TENT4B: variants seen among roughly 807,000 people sequenced by gnomAD.
The protein encoded by TENT4B is PAP associated domain containing 5.
TENT4B carries 10 observed loss-of-function variants against 75.0 expected under a neutral mutation model. The observed-to-expected ratio is 0.13, with a 90% CI of 0.08 to 0.23. TENT4B has a LOEUF of 0.23. Among genes scored for constraint, TENT4B ranks in the 10% least tolerant of loss-of-function variants. The pLI, the probability that TENT4B is intolerant of heterozygous loss-of-function variation, is 1.00. For synonymous variants in TENT4B, 350 were observed against 357.7 expected, an observed-to-expected ratio of 0.98 and a Z score of 0.24; for missense variants, 579 against 893.8, an observed-to-expected ratio of 0.65 and a Z score of 4.49.
Position 50,231,989 on chromosome 16 carries a change from T to C in TENT4B, c.*2661T>C. On this transcript the variant is annotated 3_prime_UTR_variant, in exon 12 of 12. Coordinates refer to ENST00000561678, the MANE Select transcript of TENT4B (RefSeq NM_001365324.3). ...TCCATGAATCATAACCTTCCTTTGCTAATACTTGTTGAATGGGATTTTACA... is the reference window on the plus strand; with the variant it reads ...TCCATGAATCATAACCTTCCTTTGCCAATACTTGTTGAATGGGATTTTACA... The C allele has an allele frequency of 1.0e-6, 1 of 984,806 alleles. No homozygotes were observed. The highest frequency in any genetic ancestry group is 1.2e-6 in the Non-Finnish European group (1 of 829,354). The allele number at this position is 984,806 out of a possible 1,614,324, so 61.0% of individuals were successfully genotyped here.
In TENT4B at chr16:50,230,430, T is replaced by C. The variant is rs559723848; in HGVS notation, c.*1102T>C. On this transcript the variant is annotated 3_prime_UTR_variant, in exon 12 of 12. Transcript: ENST00000561678. The stretch of plus-strand genomic sequence containing the variant: ...GCGTGTGCCTGTTTCTCATCTCTTA[T>C]TCTTTTTAAAATTCATGCTTAACTA... The C allele has an allele frequency of 1.3e-5, 13 of 985,724 alleles. No homozygotes were observed. The highest frequency in any genetic ancestry group is 4.7e-5 in the South Asian group (1 of 21,284). The allele number at this position is 985,724 out of a possible 1,614,324, so 61.1% of individuals were successfully genotyped here. A position where few individuals can be genotyped will look rare whatever the true frequency, so the allele number is the denominator to read the frequency against.
intron 1 of TENT4B, among the ~76,000 whole-genome samples, chr16:50,183,729 T>A (rs2038470053): frequency 6.6e-6 from 1 of 152,050 alleles, no homozygotes; most frequent in Non-Finnish European, 1.5e-5. Context: ...TGTCTTCCAG[T>A]GGAGAAGCAT....
chr16:50,215,955 T>C, intron 3 of TENT4B, 120 bp from the exon 4 acceptor site: 1 of 1,230,644 alleles, frequency 8.1e-7, no homozygotes, highest in Non-Finnish European at 1.1e-6. Flanking sequence ...ACATTTAGTC[T>C]TCGTTGGCCA....
chr16:50,175,105 T>A (rs1015050932), intron 1 of TENT4B, among the ~76,000 whole-genome samples: 1 of 152,096 alleles, frequency 6.6e-6, no homozygotes, highest in Non-Finnish European at 1.5e-5. Flanking sequence ...GAGATCAACT[T>A]TTTTTTAGCT....
chr16:50,210,563 G>C (rs1310957998), intron 1 of TENT4B, among the ~76,000 whole-genome samples: 1 of 152,220 alleles, frequency 6.6e-6, no homozygotes, highest in Admixed American at 6.5e-5. Context: ...TCTCTTTGCT[G>C]GTCCATTGTT....
chr16:50,222,006 C>A (rs950328167), intron 5 of TENT4B, among the ~76,000 whole-genome samples: 1 of 152,144 alleles, frequency 6.6e-6, no homozygotes, highest in Non-Finnish European at 1.5e-5. Flanking sequence ...CTCAGGTGAT[C>A]TGCCCGCCTT....
chr16:50,215,969 T>G (rs2031531205), intron 3 of TENT4B, 106 bp from the exon 4 acceptor site: 4 of 1,376,426 alleles, frequency 2.9e-6, no homozygotes, highest in Non-Finnish European at 4.0e-6. Flanking sequence ...TTGGCCAGGG[T>G]GGGAAATAGG....
chr16:50,153,302 C>T (rs1188779078), upstream of TENT4B, among the ~76,000 whole-genome samples: 9 of 143,248 alleles, frequency 6.3e-5, no homozygotes, highest in African/African-American at 2.3e-4. Context: ...CGCCGCCGCT[C>T]GCTCTTCTGT....
At chr16:50,228,065 A>T in intron 11 of TENT4B, 62 bp downstream of exon 11, 5 of 1,542,516 alleles carry the variant, frequency 3.2e-6, no homozygotes, top group Non-Finnish European at 4.4e-6. Context: ...AATTTCCCAC[A>T]TGTAAATAAT....
At chr16:50,165,418 TA>T (rs1240711003) in intron 1 of TENT4B, among the ~76,000 whole-genome samples, 3 of 152,226 alleles carry the variant, frequency 2.0e-5, no homozygotes, top group Non-Finnish European at 4.4e-5. Flanking sequence ...TTTATTTTTC[TA>T]CTTATTTTTA....
At chr16:50,155,940 G>A (rs528155363) in intron 1 of TENT4B, among the ~76,000 whole-genome samples, 4 of 152,190 alleles carry the variant, frequency 2.6e-5, no homozygotes, top group South Asian at 4.1e-4. Flanking sequence ...ATAAGTCCAA[G>A]ATGCTTATTT....
Position 50,190,057 on chromosome 16 carries a change from C to T in TENT4B, c.639-21266C>T, listed in dbSNP as rs867025285. Among the ~76,000 whole-genome samples, 11 of 125,890 alleles carry T rather than the reference C, an allele frequency of 8.7e-5. No homozygotes were observed. The South Asian group carries it at 2.4e-3, about 28-fold the overall frequency. 82.6% of individuals were successfully genotyped at this position (125,890 alleles called of 152,430 possible). The stretch of plus-strand genomic sequence containing the variant: ...TGCCACTGCACTCCAGCCTAGGCAA[C>T]AGAGTGAGACTCTGTTTCAAAAAAA... On this transcript the variant is annotated intron_variant, in intron 1 of 11. Coordinates refer to ENST00000561678, the MANE Select transcript of TENT4B (RefSeq NM_001365324.3).
chr16:50,158,345 C>T (rs1035942174), intron 1 of TENT4B, among the ~76,000 whole-genome samples: 1 of 148,052 alleles, frequency 6.8e-6, no homozygotes, highest in East Asian at 2.1e-4. Context: ...CCTTGGCTTC[C>T]CAAAGTGTCA....
Position 50,222,344 on chromosome 16 carries a change from A to G in TENT4B, c.1077A>G (p.Lys359=). Residue 359 remains lysine (K), a synonymous_variant, in exon 6 of 12, where the codon AAA becomes AAG. Coordinates refer to ENST00000561678, the MANE Select transcript of TENT4B (RefSeq NM_001365324.3). ...PVLPYLVLVL[K]QFLLQRDLNE... Reference sequence around the variant, plus strand: ...TGCCATACTTGGTTTTAGTATTGAAACAATTCCTATTGCAGAGGGACCTTA... The same window carrying G: ...TGCCATACTTGGTTTTAGTATTGAAGCAATTCCTATTGCAGAGGGACCTTA... 1 of 1,609,036 alleles carries G rather than the reference A, an allele frequency of 6.2e-7. No individual in the cohort carries two copies. The highest frequency in any genetic ancestry group is 2.2e-5 in the East Asian group (1 of 44,764).
intron 1 of TENT4B, among the ~76,000 whole-genome samples, chr16:50,191,059 G>A (rs1340116284): frequency 6.6e-6 from 1 of 152,006 alleles, no homozygotes; most frequent in Admixed American, 6.6e-5. Context: ...TCCTTTTAAG[G>A]TTGAATAATA....
chr16:50,166,801 T>C (rs983214115), intron 1 of TENT4B, among the ~76,000 whole-genome samples: 80 of 147,066 alleles, frequency 5.4e-4, no homozygotes, highest in Non-Finnish European at 7.6e-4. Context: ...TTTTTTTTTT[T>C]TGTATTTTAG....
At position 50,201,486 on chromosome 16, in the gene TENT4B, G is replaced by A. The variant is rs187516170; in HGVS notation, c.639-9837G>A. 1.7e-3 allele frequency among the ~76,000 whole-genome samples: 263 copies of A among 150,952 alleles called. 3 individuals are homozygous for A. Among genetic ancestry groups the A allele is most frequent in the African/African-American group, 5.3e-3 (218 of 41,074 alleles). On this transcript the variant is annotated intron_variant, in intron 1 of 11. Transcript: ENST00000561678. ...TGGGAGGCAGAGGTTGCAGTGAGCC[G>A]AGATCGCGCCACTGCACTCCAACCT...
intron 5 of TENT4B, among the ~76,000 whole-genome samples, chr16:50,219,031 G>A (rs1380689690): frequency 2.0e-5 from 3 of 151,962 alleles, no homozygotes; most frequent in African/African-American, 7.3e-5. Context: ...TTGCATAAAT[G>A]TATGGAAGAC....
intron 9 of TENT4B, 51 bp from the exon 10 acceptor site, chr16:50,225,047 G>A: frequency 6.2e-7 from 1 of 1,608,148 alleles, no homozygotes. Context: ...TTTCTGTGTT[G>A]TGTGCGTTTA....
Sources: gnomAD v4.1 joint callset for allele counts (sites outside exome capture counted in the v4.1 genomes callset) on GRCh38, gnomAD v4.1.1 for gene constraint, MANE v1.5 for transcripts, NCBI Gene and HGNC (gene_info 2026-07-23, HGNC 2026-07-21) for gene names.